The following IGSF21 variants were observed in gnomAD, a reference collection of about 807,000 sequenced individuals.
The protein encoded by IGSF21 is immunoglobin superfamily member 21, also known as immunoglobulin superfamily member 21.
IGSF21 carries 28 observed loss-of-function variants against 46.8 expected under a neutral mutation model. The observed-to-expected ratio is 0.60, with a 90% confidence interval of 0.44 to 0.82. The LOEUF (loss-of-function observed/expected upper bound fraction) is 0.82. Ranked by LOEUF, IGSF21 falls within the 40% of genes least tolerant of loss-of-function variation. IGSF21 has a pLI of 0.00. For missense variants in IGSF21, 624 were observed against 665.5 expected (o/e 0.94, Z 0.69); for synonymous variants, 284 against 273.6 (o/e 1.04, Z -0.38).
At position 18,268,052 on chromosome 1, in the gene IGSF21, C is replaced by A. The variant is rs76488666; in HGVS notation, c.184-23814C>A. Among the ~76,000 whole-genome samples the A allele has an allele frequency of 1.9e-3, 284 of 152,340 alleles. 1 individual carries two copies. The highest frequency in any genetic ancestry group is 6.4e-3 in the African/African-American group (265 of 41,568). On this transcript the variant is annotated intron_variant, in intron 2 of 9. Transcript: ENST00000251296. Reference sequence around the variant, plus strand: ...TCTGTTTTATTTGCTGCTGTGTCCCCAGTGCCCAGAACTGTGCCTGGCACA... The same window carrying A: ...TCTGTTTTATTTGCTGCTGTGTCCCAAGTGCCCAGAACTGTGCCTGGCACA...
At chr1:18,215,728 A>C (rs1230663189) in intron 1 of IGSF21, among the ~76,000 whole-genome samples, 1 of 152,130 alleles carries the variant, frequency 6.6e-6, no homozygotes, top group African/African-American at 2.4e-5. Flanking sequence ...GAGCAGGAGG[A>C]AGACCCATGA....
intron 2 of IGSF21, among the ~76,000 whole-genome samples, chr1:18,261,958 C>G (rs970957794): frequency 1.3e-5 from 2 of 152,170 alleles, no homozygotes; most frequent in Non-Finnish European, 2.9e-5. Flanking sequence ...TCAGCTTCAC[C>G]AGTGAGCTCT....
chr1:18,378,262 T>C lies in IGSF21; in HGVS notation c.1340T>C (p.Ile447Thr), dbSNP rs748693922. 2 of 1,614,002 alleles carry C rather than the reference T, an allele frequency of 1.2e-6. No homozygotes were observed. Among genetic ancestry groups the C allele is most frequent in the Admixed American group, 3.3e-5 (2 of 60,020 alleles). Residue 447 changes from isoleucine (I) to threonine (T), a missense_variant, in exon 10 of 10, where the codon ATT becomes ACT. By Grantham distance (89) the Ile-to-Thr change is moderately conservative. Coordinates refer to ENST00000251296, the MANE Select transcript of IGSF21 (RefSeq NM_032880.5). ...TCCCTGATTCCTGGCACAGGTTCCA[T>C]TGGCCCCACTGGTGCCCGGCTCACC... ...PRGTEDSNGS[I>T]GPTGARLTLV...
intron 1 of IGSF21, among the ~76,000 whole-genome samples, chr1:18,134,201 C>A (rs1294281299): frequency 6.6e-6 from 1 of 152,128 alleles, no homozygotes; most frequent in Non-Finnish European, 1.5e-5. Context: ...CTGTGGCCCC[C>A]CTTAACCCTC....
intron 1 of IGSF21, among the ~76,000 whole-genome samples, chr1:18,161,240 G>A (rs796466062): frequency 2.6e-5 from 4 of 152,218 alleles, no homozygotes; most frequent in African/African-American, 9.6e-5. Flanking sequence ...TGGCATGAAC[G>A]AGAAGGGAAA....
At chr1:18,264,939 G>C (rs566009063) in intron 2 of IGSF21, among the ~76,000 whole-genome samples, 4 of 152,276 alleles carry the variant, frequency 2.6e-5, no homozygotes, top group African/African-American at 9.6e-5. Context: ...CCACCACACC[G>C]TGCCATCCCA....
intron 1 of IGSF21, among the ~76,000 whole-genome samples, chr1:18,199,765 C>G (rs1420194547): frequency 6.6e-6 from 1 of 152,170 alleles, no homozygotes; most frequent in Non-Finnish European, 1.5e-5. Flanking sequence ...TGCTCCACGC[C>G]TGGTAATCTC....
At chr1:18,135,298 A>G (rs2086358394) in intron 1 of IGSF21, among the ~76,000 whole-genome samples, 1 of 152,116 alleles carries the variant, frequency 6.6e-6, no homozygotes, top group African/African-American at 2.4e-5. Context: ...TTTAGGGTAC[A>G]TGTGCACAAC....
intron 2 of IGSF21, among the ~76,000 whole-genome samples, chr1:18,265,679 G>A (rs528400480): frequency 6.6e-6 from 1 of 152,334 alleles, no homozygotes; most frequent in Non-Finnish European, 1.5e-5. Context: ...CGTCCTCCCT[G>A]CCTGACCTCC....
At chr1:18,210,976 T>G (rs2084386088) in intron 1 of IGSF21, among the ~76,000 whole-genome samples, 2 of 152,148 alleles carry the variant, frequency 1.3e-5, no homozygotes. Flanking sequence ...CAAGTGGTCC[T>G]CCCACCTCAG....
intron 3 of IGSF21, among the ~76,000 whole-genome samples, chr1:18,299,048 A>G (rs931074488): frequency 1.3e-5 from 2 of 152,270 alleles, no homozygotes; most frequent in African/African-American, 4.8e-5. Context: ...TAATACAATG[A>G]TGAATCAGAG....
chr1:18,189,716 G>A (rs1047933336), intron 1 of IGSF21, among the ~76,000 whole-genome samples: 2 of 152,086 alleles, frequency 1.3e-5, no homozygotes, highest in South Asian at 2.1e-4. Context: ...ATCGAATGCC[G>A]CTGCTGATCT....
At chr1:18,284,595 G>A (rs147185463) in intron 2 of IGSF21, among the ~76,000 whole-genome samples, 16 of 152,292 alleles carry the variant, frequency 1.1e-4, no homozygotes, top group East Asian at 9.6e-4. Context: ...TATCCCTCGC[G>A]TTACAGATGA....
At chr1:18,338,277 C>A (rs2085792534) in intron 4 of IGSF21, among the ~76,000 whole-genome samples, 1 of 152,048 alleles carries the variant, frequency 6.6e-6, no homozygotes, top group African/African-American at 2.4e-5. Context: ...ACGTCTCCTT[C>A]AAATATGTTT....
At chr1:18,317,139 G>A (rs761865985) in intron 3 of IGSF21, among the ~76,000 whole-genome samples, 23 of 152,212 alleles carry the variant, frequency 1.5e-4, no homozygotes, top group Non-Finnish European at 7.3e-5. Context: ...TAGAGATAGT[G>A]TGGATCAAGT....
rs193219284 is a variant in IGSF21, at chr1:18,334,528, A to T, written c.306-364A>T. ...TGCCTCCAGTGACAGTTTTGGTCCC[A>T]TACTGCATGCAGCGACATACTAAAT... On this transcript the variant is annotated intron_variant, in intron 3 of 9. Transcript: ENST00000251296. The surrounding 1 kb of genome is among the most constrained non-coding windows in gnomAD (Gnocchi z 4.3). Among the ~76,000 whole-genome samples, 10 of 152,262 alleles carry T rather than the reference A, an allele frequency of 6.6e-5. No homozygotes were observed. Among genetic ancestry groups the T allele is most frequent in the African/African-American group, 2.4e-4 (10 of 41,550 alleles).
chr1:18,282,757 C>T (rs1407288285), intron 2 of IGSF21, among the ~76,000 whole-genome samples: 3 of 152,082 alleles, frequency 2.0e-5, no homozygotes, highest in Non-Finnish European at 4.4e-5. Context: ...TGCACAACAC[C>T]GTAAGTCCAC....
chr1:18,339,328 C>T (rs2085804338), intron 4 of IGSF21, among the ~76,000 whole-genome samples: 1 of 152,162 alleles, frequency 6.6e-6, no homozygotes, highest in Non-Finnish European at 1.5e-5. Flanking sequence ...AATTTCCCTC[C>T]CCTTGACCCA....
chr1:18,235,312 C>T (rs1466732103), intron 2 of IGSF21, among the ~76,000 whole-genome samples: 1 of 152,160 alleles, frequency 6.6e-6, no homozygotes, highest in African/African-American at 2.4e-5. Flanking sequence ...GTTCTAGGCA[C>T]TGGGATTTCA....
Sources: allele counts gnomAD v4.1 joint callset (sites outside exome capture counted in the v4.1 genomes callset), GRCh38; gene constraint gnomAD v4.1.1; non-coding constraint Gnocchi (gnomAD v3.1); transcripts MANE v1.5; gene names NCBI Gene and HGNC (gene_info 2026-07-23, HGNC 2026-07-21).